Variants in PRKN observed in about 807,000 individuals in gnomAD.
The protein encoded by PRKN is E3 ubiquitin-protein ligase parkin.
A neutral mutation model predicts 59.5 loss-of-function variants in PRKN; 56 were observed. The observed-to-expected ratio is 0.94, with a 90% CI of 0.76 to 1.18. The LOEUF (loss-of-function observed/expected upper bound fraction) is 1.18, where lower values mean the gene tolerates loss of function less well. Ranked by LOEUF, PRKN falls within the 50% of genes most tolerant of loss-of-function variation. The probability of loss-of-function intolerance (pLI) is 0.00; values close to 1 mark genes in which losing one functional copy is unlikely to be tolerated. For missense variants in PRKN, 657 were observed against 596.4 expected, an observed-to-expected ratio of 1.10 and a Z score of -1.06; for synonymous variants, 250 against 222.1, an observed-to-expected ratio of 1.13 and a Z score of -1.12.
rs1176497672 is a variant in PRKN at position 161,360,412 on chromosome 6, C to T, written c.1168-207G>A. On this transcript the variant is annotated intron_variant, in intron 10 of 11. Transcript: ENST00000366898. This position sits in a 1 kb window ranked among gnomAD's most constrained non-coding sequence, Gnocchi z 5.1. ...CTGGCATGTGGCGTATGCGTAGGAG[C>T]GGGGAAGAGATTGTTTGGTTTTGTA... 1.3e-5 allele frequency among the ~76,000 whole-genome samples: 2 copies of T among 152,150 alleles called. No individual in the cohort carries two copies. The highest frequency in any genetic ancestry group is 4.1e-4 in the South Asian group (2 of 4,832).
rs929969921 is a variant in PRKN, at chr6:162,247,124, G to A, written c.412+15401C>T. On this transcript the variant is annotated intron_variant, in intron 3 of 11. Coordinates refer to ENST00000366898, the MANE Select transcript of PRKN (RefSeq NM_004562.3). ...ACTATATATATTTATAGCTTTGTTA[G>A]TCTGCTAAAATGTTTGTGTTTGACA... Among the ~76,000 whole-genome samples, 13 of 152,164 alleles carry A rather than the reference G, an allele frequency of 8.5e-5. No homozygotes were observed. The East Asian group carries it at 2.5e-3, about 29-fold the overall frequency.
At position 162,450,386 on chromosome 6, in the gene PRKN, T is replaced by G. The variant is rs556565201; in HGVS notation, c.8-6913A>C. ...AACGCCCCTGTGATTGTAATCCCCC[T>G]GTGAATGTAAACGCCCCTATGATTG... is the stretch of plus-strand genomic sequence containing the variant. On this transcript the variant is annotated intron_variant, in intron 1 of 11. Transcript: ENST00000366898. Among the ~76,000 whole-genome samples the G allele has an allele frequency of 4.2e-4, 56 of 133,906 alleles. No individual in the cohort carries two copies. In the South Asian group the frequency reaches 0.012, roughly 28 times the overall value. 87.8% of individuals were successfully genotyped at this position (133,906 alleles called of 152,430 possible). A position where few individuals can be genotyped will look rare whatever the true frequency, so the allele number is the denominator to read the frequency against.
At chr6:162,331,916 A>G (rs917575362) in intron 2 of PRKN, among the ~76,000 whole-genome samples, 14 of 152,314 alleles carry the variant, frequency 9.2e-5, no homozygotes, top group African/African-American at 3.1e-4. Flanking sequence ...GTTAACCAAT[A>G]AAGTCAAAAC....
At chr6:161,748,712 G>A (rs1164935953) in intron 7 of PRKN, among the ~76,000 whole-genome samples, 2 of 152,122 alleles carry the variant, frequency 1.3e-5, no homozygotes, top group African/African-American at 2.4e-5. Context: ...CAGTGAGAAG[G>A]GGCACTTGGG....
chr6:161,832,192 G>T (rs1391987931), intron 6 of PRKN, among the ~76,000 whole-genome samples: 1 of 152,194 alleles, frequency 6.6e-6, no homozygotes. Context: ...ATGTATATTA[G>T]GGATGCCTGA....
intron 6 of PRKN, among the ~76,000 whole-genome samples, chr6:161,898,931 A>T (rs2128234389): frequency 1.3e-5 from 2 of 152,352 alleles, no homozygotes; most frequent in African/African-American, 4.8e-5. Flanking sequence ...CTTATAACTC[A>T]GCATAAAGCA....
intron 7 of PRKN, among the ~76,000 whole-genome samples, chr6:161,618,371 G>C (rs1449971486): frequency 6.6e-6 from 1 of 152,052 alleles, no homozygotes; most frequent in Admixed American, 6.6e-5. Context: ...TGTTTTGCCC[G>C]GAAAGCCACA....
At chr6:161,874,981 T>TAAAG (rs1438764991) in intron 6 of PRKN, among the ~76,000 whole-genome samples, 1 of 82,418 alleles carries the variant, frequency 1.2e-5, no homozygotes, top group Non-Finnish European at 2.0e-5. Context: ...ATTTATTATA[T>TAAAG]TATATACTTT....
intron 4 of PRKN, among the ~76,000 whole-genome samples, chr6:162,188,845 T>C (rs1357750279): frequency 6.6e-6 from 1 of 152,034 alleles, no homozygotes; most frequent in African/African-American, 2.4e-5. Context: ...CAGATAACTT[T>C]CTCTCAAGCT....
At chr6:162,334,613 T>C (rs1783748568) in intron 2 of PRKN, among the ~76,000 whole-genome samples, 1 of 152,222 alleles carries the variant, frequency 6.6e-6, no homozygotes, top group South Asian at 2.1e-4. Context: ...TTTTTATGCC[T>C]ACTGACTCAA....
At chr6:162,392,036 AT>A (rs34291306) in intron 2 of PRKN, among the ~76,000 whole-genome samples, 71,039 of 150,954 alleles carry the variant, frequency 0.47, 18,193 homozygotes, top group East Asian at 0.71. Flanking sequence ...CCATTTCATG[AT>A]TTTTTTTTCC....
chr6:161,464,574 C>G (rs1171431421), intron 9 of PRKN, among the ~76,000 whole-genome samples: 1 of 152,194 alleles, frequency 6.6e-6, no homozygotes, highest in Non-Finnish European at 1.5e-5. Context: ...TCACGCCCAT[C>G]TGCAGTCAAC....
intron 6 of PRKN, among the ~76,000 whole-genome samples, chr6:161,815,727 C>G (rs2186806): frequency 0.24 from 36,568 of 151,950 alleles, 4,705 homozygotes; most frequent in Non-Finnish European, 0.3. Context: ...GAGACCCCAG[C>G]GGGAGCTCAG....
At chr6:162,257,743 C>T (rs9458491) in intron 3 of PRKN, among the ~76,000 whole-genome samples, 241 of 152,172 alleles carry the variant, frequency 1.6e-3, no homozygotes, top group Non-Finnish European at 2.4e-3. Flanking sequence ...GGCCCGTTCG[C>T]GATGTTCTGG....
At chr6:162,451,217 T>C (rs1440821302) in intron 1 of PRKN, among the ~76,000 whole-genome samples, 1 of 152,050 alleles carries the variant, frequency 6.6e-6, no homozygotes, top group Non-Finnish European at 1.5e-5. Flanking sequence ...GATATAATTT[T>C]AAAAGTATCT....
intron 1 of PRKN, among the ~76,000 whole-genome samples, chr6:162,482,215 C>T (rs1301328554): frequency 1.3e-5 from 2 of 152,186 alleles, no homozygotes; most frequent in Non-Finnish European, 2.9e-5. Context: ...ATGCTTGATA[C>T]AGGGCACTGA....
intron 4 of PRKN, among the ~76,000 whole-genome samples, chr6:162,192,759 C>A (rs916982832): frequency 1.3e-5 from 2 of 151,936 alleles, no homozygotes; most frequent in Non-Finnish European, 2.9e-5. Context: ...CATACTTTTT[C>A]AGAGTAATAT....
Position 161,407,544 on chromosome 6 carries a change from T to A in PRKN, c.1084-20667A>T, listed in dbSNP as rs772696837. Among the ~76,000 whole-genome samples the A allele has an allele frequency of 1.7e-4, 26 of 152,142 alleles. No individual in the cohort carries two copies. The highest frequency in any genetic ancestry group is 2.8e-4 in the Non-Finnish European group (19 of 68,044). ...CCACATCAATTTACAATATCCTGATTTCAGAAATGTTAAAATACACAAAAA... is the reference window on the plus strand; with the variant it reads ...CCACATCAATTTACAATATCCTGATATCAGAAATGTTAAAATACACAAAAA... On this transcript the variant is annotated intron_variant, in intron 9 of 11. Coordinates refer to ENST00000366898, the MANE Select transcript of PRKN (RefSeq NM_004562.3). This position sits in a 1 kb window ranked among gnomAD's most constrained non-coding sequence, Gnocchi z 4.9.
intron 3 of PRKN, among the ~76,000 whole-genome samples, chr6:162,230,072 G>T (rs756042648): frequency 6.6e-6 from 1 of 152,164 alleles, no homozygotes; most frequent in Non-Finnish European, 1.5e-5. Flanking sequence ...CTGGGTACCA[G>T]ACAATTCTTA....
Sources: gnomAD v4.1 joint callset for allele counts (sites outside exome capture counted in the v4.1 genomes callset) on GRCh38, gnomAD v4.1.1 for gene constraint, Gnocchi (gnomAD v3.1) non-coding constraint, MANE v1.5 for transcripts, NCBI Gene and HGNC (gene_info 2026-07-23, HGNC 2026-07-21) for gene names.